Variants in FBXL14 observed in about 807,000 individuals in gnomAD.
The protein encoded by FBXL14 is F-box/LRR-repeat protein 14.
A neutral mutation model predicts 24.5 loss-of-function variants in FBXL14; 11 were observed. That is an observed-to-expected ratio of 0.45 (90% CI 0.28 to 0.74). The LOEUF (loss-of-function observed/expected upper bound fraction) is 0.74. FBXL14 is among the 30% of genes least tolerant of loss of function. The pLI is 0.12. For missense variants in FBXL14, 384 were observed against 545.6 expected (o/e 0.70, Z 2.95); for synonymous variants, 294 against 240.4 (o/e 1.22, Z -2.06).
chr12:1,593,850 C>G lies in FBXL14; in HGVS notation c.217G>C (p.Val73Leu). The change falls in exon 1 of 2, where the codon GTG (valine) becomes CTG (leucine). Residue 73 changes from valine (V) to leucine (L), a missense_variant. Transcript: ENST00000339235. This position sits in a 1 kb window ranked among gnomAD's most constrained non-coding sequence, Gnocchi z 7.4. ...CTGCGGCGGAGGCTCAGGATCTGCA[C>G]CCGGCGGATGCCCCGGGCCTGCAGG... is the stretch of plus-strand genomic sequence containing the variant. ...PSLQARGIRR[V>L]QILSLRRSLS... 1 of 1,613,624 alleles carries G rather than the reference C, an allele frequency of 6.2e-7. No individual in the cohort carries two copies. The highest frequency in any genetic ancestry group is 1.3e-5 in the African/African-American group (1 of 75,066).
chr12:1,574,398 G>GA (rs112736919), intron 1 of FBXL14, among the ~76,000 whole-genome samples: 1,270 of 25,448 alleles, frequency 0.05, 22 homozygotes, highest in African/African-American at 0.13. Flanking sequence ...AGGCTGGGGT[G>GA]GGGGAGGCTG....
chr12:1,571,113 T>C lies in FBXL14; in HGVS notation c.1195-4303A>G, dbSNP rs529924807. Among the ~76,000 whole-genome samples, 9 of 152,384 alleles carry C rather than the reference T, an allele frequency of 5.9e-5. No homozygotes were observed. The South Asian group carries it at 1.9e-3, about 32-fold the overall frequency. Reference sequence around the variant, plus strand: ...CTATTTTAGAATCTTGTATATATCTTATACTTTATACATATACTCATGTAT... The same window carrying C: ...CTATTTTAGAATCTTGTATATATCTCATACTTTATACATATACTCATGTAT... On this transcript the variant is annotated intron_variant, in intron 1 of 1. Transcript: ENST00000339235.
chr12:1,570,828 C>A (rs2094444243), intron 1 of FBXL14, among the ~76,000 whole-genome samples: 1 of 151,996 alleles, frequency 6.6e-6, no homozygotes, highest in South Asian at 2.1e-4. Flanking sequence ...CTCTCTTGAT[C>A]TTTTTCCCTT....
intron 1 of FBXL14, among the ~76,000 whole-genome samples, chr12:1,571,617 C>T (rs768229767): frequency 2.0e-5 from 3 of 152,190 alleles, no homozygotes; most frequent in Non-Finnish European, 4.4e-5. Context: ...CCAAATCATA[C>T]ATGTTTTTTA....
intron 1 of FBXL14, among the ~76,000 whole-genome samples, chr12:1,574,458 C>A (rs12812358): frequency 0.052 from 412 of 7,986 alleles, 11 homozygotes; most frequent in Middle Eastern, 0.088. Flanking sequence ...TGGTGGCAGC[C>A]GTGTGGGTGG....
intron 1 of FBXL14, 132 bp from the exon 2 acceptor site, chr12:1,566,942 C>A: frequency 1.6e-6 from 1 of 621,244 alleles, no homozygotes; most frequent in East Asian, 2.8e-5. Flanking sequence ...GGGAAACTCC[C>A]ACGCCAGCCC....
chr12:1,581,797 C>A (rs1208572532), intron 1 of FBXL14, among the ~76,000 whole-genome samples: 4 of 152,150 alleles, frequency 2.6e-5, no homozygotes, highest in Non-Finnish European at 5.9e-5. Context: ...AAGGTTGTTT[C>A]TGTGGTTACA....
chr12:1,588,233 T>C (rs1171757503), intron 1 of FBXL14, among the ~76,000 whole-genome samples: 1 of 152,208 alleles, frequency 6.6e-6, no homozygotes, highest in African/African-American at 2.4e-5. Context: ...CTTTGAAAAC[T>C]TGAATTCGAA....
rs138345317 is a variant in FBXL14 at position 1,593,251 on chromosome 12, C to A, written c.816G>T (p.Met272Ile). 3.9e-5 allele frequency: 63 copies of A among 1,612,552 alleles called. No homozygotes were observed. The highest frequency in any genetic ancestry group is 5.2e-5 in the Non-Finnish European group (61 of 1,180,012). ...SCDNISDTGI[M>I]HLAMGSLRLS... is the part of the protein sequence containing the mutation. ...GGCGCAGGCTGCCCATGGCCAGATGCATGATGCCCGTGTCACTGATGTTGT... is the reference window on the plus strand; with the variant it reads ...GGCGCAGGCTGCCCATGGCCAGATGAATGATGCCCGTGTCACTGATGTTGT... The change falls in exon 1 of 2, where the codon ATG becomes ATT. Residue 272 changes from methionine to isoleucine, a missense_variant. By Grantham distance (10) the Met-to-Ile change is conservative. Transcript: ENST00000339235. This position sits in a 1 kb window ranked among gnomAD's most constrained non-coding sequence, Gnocchi z 7.4.
intron 1 of FBXL14, among the ~76,000 whole-genome samples, chr12:1,568,938 T>G (rs2154437646): frequency 6.6e-6 from 1 of 152,266 alleles, no homozygotes; most frequent in East Asian, 1.9e-4. Context: ...ACTTCAGATA[T>G]AAATTGTGCT....
intron 1 of FBXL14, among the ~76,000 whole-genome samples, chr12:1,568,754 G>A (rs191189877): frequency 1.4e-4 from 21 of 152,178 alleles, no homozygotes; most frequent in African/African-American, 4.3e-4. Flanking sequence ...CCAGCTACTC[G>A]CGAGGCTGAG....
intron 1 of FBXL14, among the ~76,000 whole-genome samples, chr12:1,589,441 A>G (rs2094484126): frequency 6.9e-6 from 1 of 144,214 alleles, no homozygotes; most frequent in African/African-American, 2.6e-5. Context: ...TGTCTCAAAA[A>G]AAAAAAAAAA....
chr12:1,580,283 G>T (rs978508743), intron 1 of FBXL14, among the ~76,000 whole-genome samples: 10 of 152,168 alleles, frequency 6.6e-5, no homozygotes, highest in African/African-American at 2.2e-4. Context: ...GAGGTTAGAG[G>T]TTAATGAATG....
intron 1 of FBXL14, among the ~76,000 whole-genome samples, chr12:1,585,165 G>A (rs1055607732): frequency 4.6e-5 from 7 of 152,262 alleles, no homozygotes; most frequent in African/African-American, 1.7e-4. Flanking sequence ...TTGGGAGGCC[G>A]AGGCAGGCGG....
chr12:1,593,044 C>T lies in FBXL14; in HGVS notation c.1023G>A (p.Val341=), dbSNP rs199952746. Residue 341 remains valine (V), a synonymous_variant, in exon 1 of 2, where the codon GTG becomes GTA. Coordinates refer to ENST00000339235, the MANE Select transcript of FBXL14 (RefSeq NM_152441.3). The surrounding 1 kb of genome is among the most constrained non-coding windows in gnomAD (Gnocchi z 7.4). ...GCTCCAGGCCCTTGTCCGTGATGCG[C>T]ACACACTGTCCAATGTTGAGCGTGC... ...GLRTLNIGQC[V]RITDKGLELI... 3.7e-5 allele frequency: 59 copies of T among 1,612,408 alleles called. No homozygotes were observed. The East Asian group carries it at 1.1e-3, about 30-fold the overall frequency.
intron 1 of FBXL14, among the ~76,000 whole-genome samples, chr12:1,572,630 C>CG (rs945375104): frequency 4.4e-4 from 10 of 22,558 alleles, no homozygotes; most frequent in African/African-American, 6.3e-4. Context: ...GTCGGGGAAG[C>CG]GGGGGGGCAG....
chr12:1,593,457 G>C lies in FBXL14; in HGVS notation c.610C>G (p.Leu204Val), dbSNP rs2094495029. The C allele has an allele frequency of 1.2e-6, 2 of 1,613,930 alleles. No individual in the cohort carries two copies. Among genetic ancestry groups the C allele is most frequent in the Middle Eastern group, 1.6e-4 (1 of 6,084 alleles). ...CAGTCCTGTAGCGTGAGCTGCTCCA[G>C]GCCCAGGCAGCCCTCCGCCGCGCTG... ...TRSAAEGCLG[L>V]EQLTLQDCQK... The change falls in exon 1 of 2, where the codon CTG becomes GTG. Residue 204 changes from leucine (L) to valine (V), a missense_variant. Coordinates refer to ENST00000339235, the MANE Select transcript of FBXL14 (RefSeq NM_152441.3). This position sits in a 1 kb window ranked among gnomAD's most constrained non-coding sequence, Gnocchi z 7.4.
intron 1 of FBXL14, among the ~76,000 whole-genome samples, chr12:1,585,250 T>C (rs1395798339): frequency 1.3e-5 from 2 of 152,004 alleles, no homozygotes; most frequent in Non-Finnish European, 2.9e-5. Context: ...TACAAAAAAT[T>C]AGCCGGGCGT....
chr12:1,566,855 G>C (rs140477045), intron 1 of FBXL14, 45 bp from the exon 2 acceptor site: 3 of 778,564 alleles, frequency 3.9e-6, no homozygotes, highest in East Asian at 4.9e-5. Context: ...AGAGACTGCC[G>C]CACTCTGCTC....
Sources: gnomAD v4.1 joint callset for allele counts (sites outside exome capture counted in the v4.1 genomes callset) on GRCh38, gnomAD v4.1.1 for gene constraint, Gnocchi (gnomAD v3.1) non-coding constraint, MANE v1.5 for transcripts, NCBI Gene and HGNC (gene_info 2026-07-23, HGNC 2026-07-21) for gene names.